The following ANKRD13C variants were observed in gnomAD, a reference collection of about 807,000 sequenced individuals.
ANKRD13C encodes ankyrin repeat domain 13C.
In ANKRD13C, 16 loss-of-function variants were observed where a neutral mutation model predicts 65.5. The ratio of observed to expected loss-of-function variants is 0.24; its 90% CI spans 0.17 to 0.37. ANKRD13C has a LOEUF of 0.37. Ranked by LOEUF, ANKRD13C falls within the 10% of genes least tolerant of loss-of-function variation. The pLI, the probability that ANKRD13C is intolerant of heterozygous loss-of-function variation, is 1.00. For synonymous variants in ANKRD13C, 235 were observed against 238.7 expected (o/e 0.98, Z 0.14); for missense variants, 503 against 655.9 (o/e 0.77, Z 2.55).
At chr1:70,307,050 C>T (rs1433897293) in intron 5 of ANKRD13C, among the ~76,000 whole-genome samples, 1 of 152,066 alleles carries the variant, frequency 6.6e-6, no homozygotes, top group African/African-American at 2.4e-5. Context: ...ATCAGAGGTA[C>T]ATGTGTACAT....
intron 1 of ANKRD13C, among the ~76,000 whole-genome samples, chr1:70,344,519 T>A (rs1682448043): frequency 6.6e-6 from 1 of 152,000 alleles, no homozygotes; most frequent in South Asian, 2.1e-4. Flanking sequence ...ATTTAATGGG[T>A]ATCTATTAAA....
intron 3 of ANKRD13C, among the ~76,000 whole-genome samples, chr1:70,320,878 C>T (rs1681278618): frequency 6.6e-6 from 1 of 151,984 alleles, no homozygotes; most frequent in African/African-American, 2.4e-5. Context: ...CTACCTCCAC[C>T]TCCCAGGGTC....
Position 70,292,374 on chromosome 1 carries a change from A to C in ANKRD13C, c.1215+14T>G. On this transcript the variant is annotated intron_variant, in intron 9 of 12. Coordinates refer to ENST00000370944, the MANE Select transcript of ANKRD13C (RefSeq NM_030816.5). ...TCTTAGAAAACTACAAATTAGAAGA[A>C]TTAAAAATTATACCTCAAAATTCTG... 1 of 1,555,434 alleles carries C rather than the reference A, an allele frequency of 6.4e-7. No individual in the cohort carries two copies. Among genetic ancestry groups the C allele is most frequent in the African/African-American group, 1.4e-5 (1 of 71,854 alleles).
At chr1:70,309,382 A>G (rs1261200487) in intron 5 of ANKRD13C, among the ~76,000 whole-genome samples, 5 of 149,400 alleles carry the variant, frequency 3.3e-5, no homozygotes, top group South Asian at 2.2e-4. Flanking sequence ...CTACTCCCCA[A>G]TTTTCAGAAG....
rs61493071 is a variant in ANKRD13C at position 70,318,058 on chromosome 1, C to T, written c.578-2492G>A. 4.5e-3 allele frequency among the ~76,000 whole-genome samples: 688 copies of T among 152,152 alleles called. 7 individuals are homozygous for T. Among genetic ancestry groups the T allele is most frequent in the African/African-American group, 0.016 (663 of 41,516 alleles). ...ATATAGCACAGTATAATAACATATG[C>T]GAAGAGATTCCCTTTTCTATATGAC... is the stretch of plus-strand genomic sequence containing the variant. On this transcript the variant is annotated intron_variant, in intron 3 of 12. Coordinates refer to ENST00000370944, the MANE Select transcript of ANKRD13C (RefSeq NM_030816.5).
chr1:70,305,107 G>C (rs1211629071), intron 6 of ANKRD13C, among the ~76,000 whole-genome samples: 3 of 151,582 alleles, frequency 2.0e-5, no homozygotes, highest in Non-Finnish European at 4.4e-5. Flanking sequence ...TCTAAAAAAA[G>C]AAAAAACAAA....
At position 70,338,707 on chromosome 1, in the gene ANKRD13C, A is replaced by G. The variant is rs571420010; in HGVS notation, c.431-2608T>C. On this transcript the variant is annotated intron_variant, in intron 1 of 12. Transcript: ENST00000370944. Reference sequence around the variant, plus strand: ...GAGCCACCACGCCCGGCCCTTAAGAACAATTTTAAACACAGTTATACACTG... The same window carrying G: ...GAGCCACCACGCCCGGCCCTTAAGAGCAATTTTAAACACAGTTATACACTG... Among the ~76,000 whole-genome samples, 11 of 152,180 alleles carry G rather than the reference A, an allele frequency of 7.2e-5. No homozygotes were observed. In the South Asian group the frequency reaches 8.3e-4, roughly 11 times the overall value.
At chr1:70,349,765 A>C (rs1384723910) in intron 1 of ANKRD13C, among the ~76,000 whole-genome samples, 1 of 152,166 alleles carries the variant, frequency 6.6e-6, no homozygotes, top group East Asian at 1.9e-4. Context: ...CGTTGAGGTT[A>C]AAAAAATAAA....
At chr1:70,340,785 A>C (rs1284041801) in intron 1 of ANKRD13C, among the ~76,000 whole-genome samples, 3 of 152,160 alleles carry the variant, frequency 2.0e-5, no homozygotes, top group African/African-American at 7.2e-5. Context: ...ATTGTGAGAC[A>C]TGCACCTTTT....
chr1:70,273,393 T>C (rs1486583329), intron 11 of ANKRD13C, among the ~76,000 whole-genome samples: 4 of 152,172 alleles, frequency 2.6e-5, no homozygotes, highest in Admixed American at 2.6e-4. Context: ...AAAACTATAG[T>C]TGTATCAGTC....
intron 11 of ANKRD13C, among the ~76,000 whole-genome samples, chr1:70,274,134 A>AT (rs940200882): frequency 2.0e-5 from 3 of 152,018 alleles, no homozygotes; most frequent in African/African-American, 7.2e-5. Flanking sequence ...ATACTTTTGG[A>AT]TTTTTTTAAA....
intron 2 of ANKRD13C, among the ~76,000 whole-genome samples, chr1:70,328,442 C>T (rs1572146438): frequency 6.6e-6 from 1 of 152,116 alleles, no homozygotes; most frequent in Admixed American, 6.6e-5. Flanking sequence ...GTGGGCAGAT[C>T]ACCTGAGGTC....
chr1:70,310,265 G>T (rs766729481), intron 5 of ANKRD13C, among the ~76,000 whole-genome samples: 1 of 151,950 alleles, frequency 6.6e-6, no homozygotes, highest in Non-Finnish European at 1.5e-5. Context: ...CTTATTTTTC[G>T]CTTGCTTTTT....
chr1:70,331,316 T>C (rs1434148189), intron 2 of ANKRD13C, among the ~76,000 whole-genome samples: 2 of 151,606 alleles, frequency 1.3e-5, no homozygotes, highest in Non-Finnish European at 2.9e-5. Context: ...ATCTCAACAC[T>C]CTGGGAGGCC....
At chr1:70,279,817 C>T (rs1256721344) in intron 9 of ANKRD13C, among the ~76,000 whole-genome samples, 1 of 152,048 alleles carries the variant, frequency 6.6e-6, no homozygotes, top group Non-Finnish European at 1.5e-5. Flanking sequence ...AGTTACTTTT[C>T]CTTGGGGTTT....
intron 1 of ANKRD13C, among the ~76,000 whole-genome samples, chr1:70,347,212 A>T (rs189294967): frequency 1.2e-4 from 18 of 151,996 alleles, no homozygotes; most frequent in Non-Finnish European, 2.4e-4. Context: ...TATTTTACAT[A>T]CTTCAGTGTT....
chr1:70,325,998 G>T (rs1421405481), intron 2 of ANKRD13C, among the ~76,000 whole-genome samples: 1 of 152,130 alleles, frequency 6.6e-6, no homozygotes, highest in Admixed American at 6.5e-5. Context: ...TTGGGAGGCT[G>T]AAGTGGGCCG....
chr1:70,310,981 C>A (rs1300885998), intron 5 of ANKRD13C, among the ~76,000 whole-genome samples: 1 of 152,112 alleles, frequency 6.6e-6, no homozygotes, highest in Non-Finnish European at 1.5e-5. Flanking sequence ...ATTAGAGTAA[C>A]AAGACTGCAT....
intron 1 of ANKRD13C, among the ~76,000 whole-genome samples, chr1:70,348,813 G>GA (rs34352535): frequency 3.3e-5 from 5 of 152,082 alleles, no homozygotes; most frequent in Admixed American, 6.6e-5. Context: ...AATTAACAAG[G>GA]AAAAATGAAA....
Sources: gnomAD v4.1 joint callset for allele counts (sites outside exome capture counted in the v4.1 genomes callset) on GRCh38, gnomAD v4.1.1 for gene constraint, MANE v1.5 for transcripts, NCBI Gene and HGNC (gene_info 2026-07-23, HGNC 2026-07-21) for gene names.